The following MASP1 variants were observed in gnomAD, a reference collection of about 807,000 sequenced individuals.
MASP1 encodes MBL associated serine protease 1.
A neutral mutation model predicts 77.1 loss-of-function variants in MASP1; 59 were observed. That is an observed-to-expected ratio of 0.77 (90% CI 0.62 to 0.95). The LOEUF (loss-of-function observed/expected upper bound fraction) is 0.95. Among genes scored for constraint, MASP1 ranks in the 40% least tolerant of loss-of-function variants. The pLI is 0.00. For missense variants in MASP1, 885 were observed against 912.9 expected, an observed-to-expected ratio of 0.97 and a Z score of 0.39; for synonymous variants, 362 against 354.5, an observed-to-expected ratio of 1.02 and a Z score of -0.24.
chr3:187,230,021 G>A, downstream of MASP1: 1 of 1,044,764 alleles, frequency 9.6e-7, no homozygotes. Flanking sequence ...ACCATTAATT[G>A]ACCTTCCTGA....
chr3:187,251,837 T>A, intron 6 of MASP1, 85 bp from the exon 7 acceptor site: 1 of 1,007,024 alleles, frequency 9.9e-7, no homozygotes, highest in Non-Finnish European at 1.6e-6. Context: ...CAAGGCCTGA[T>A]GAAGGTGAAT....
At position 187,235,765 on chromosome 3, in the gene MASP1, T is replaced by C. The variant is rs768192469; in HGVS notation, c.2106A>G (p.Thr702=). ...CCCAGTCCACGTAATTGGAGACCTT[T>C]GTGTAGACTCCATAGACCTGCTTGC... The part of the protein sequence containing the change: ...CGSKQVYGVY[T]KVSNYVDWVW... The change falls in exon 11 of 11, where the codon ACA becomes ACG. Residue 702 remains threonine, a synonymous_variant. Coordinates refer to ENST00000296280, the MANE Select transcript of MASP1 (RefSeq NM_139125.4). 2.2e-5 allele frequency: 35 copies of C among 1,614,174 alleles called. No individual in the cohort carries two copies. Among genetic ancestry groups the C allele is most frequent in the South Asian group, 6.6e-5 (6 of 91,074 alleles).
chr3:187,276,920 G>A (rs1020507210), intron 2 of MASP1: 6 of 152,172 alleles, frequency 3.9e-5, no homozygotes, highest in Admixed American at 2.6e-4. Flanking sequence ...CCGGAAGGTC[G>A]AGGGCATGTT....
At chr3:187,290,483 C>CT (rs954217871) in intron 1 of MASP1, among the ~76,000 whole-genome samples, 3 of 152,002 alleles carry the variant, frequency 2.0e-5, no homozygotes, top group South Asian at 2.1e-4. Context: ...ACATAAATCA[C>CT]TTTTTTTTGG....
intron 10 of MASP1, among the ~76,000 whole-genome samples, chr3:187,238,680 G>C (rs3774269): frequency 2.4e-4 from 37 of 152,210 alleles, no homozygotes; most frequent in African/African-American, 8.7e-4. Flanking sequence ...AAAATGGCTC[G>C]GCATTGCTTA....
In MASP1 at chr3:187,260,749, G is replaced by A. The variant is rs778496708; in HGVS notation, c.539C>T (p.Thr180Ile). Residue 180 changes from threonine (T) to isoleucine (I), a missense_variant, in exon 4 of 11, where the codon ACC becomes ATC. Thr to Ile is a moderately conservative substitution (Grantham distance 89, BLOSUM62 -1). Coordinates refer to ENST00000296280, the MANE Select transcript of MASP1 (RefSeq NM_139125.4). The stretch of plus-strand genomic sequence containing the variant: ...TCATTGGTAGGCTCTACCTCGGCAG[G>A]TCCTGTTGTCTGTGTGGAGGATGTA... ...FGYILHTDNR[T>I]CRVECSDNLF... The A allele has an allele frequency of 9.3e-6, 15 of 1,614,036 alleles. No homozygotes were observed. The highest frequency in any genetic ancestry group is 3.3e-5 in the Admixed American group (2 of 59,984).
chr3:187,284,706 G>T (rs1717706947), intron 2 of MASP1, among the ~76,000 whole-genome samples: 1 of 152,174 alleles, frequency 6.6e-6, no homozygotes, highest in African/African-American at 2.4e-5. Context: ...AAAACACAAG[G>T]CATGGGTTTG....
chr3:187,260,745 G>T lies in MASP1; in HGVS notation c.543C>A (p.Cys181Ter). The change falls in exon 4 of 11, where the codon TGC (cysteine) becomes TGA (stop). Residue 181 changes from cysteine to a stop codon, truncating the protein, a stop_gained. Coordinates refer to ENST00000296280, the MANE Select transcript of MASP1 (RefSeq NM_139125.4). LOFTEE classifies it high-confidence loss of function. ...GYILHTDNRTCRVECSDNLFT... is the reference protein window; with the variant it reads ...GYILHTDNRT Reference sequence around the variant, plus strand: ...ACAATCATTGGTAGGCTCTACCTCGGCAGGTCCTGTTGTCTGTGTGGAGGA... The same window carrying T: ...ACAATCATTGGTAGGCTCTACCTCGTCAGGTCCTGTTGTCTGTGTGGAGGA... 1 of 1,614,168 alleles carries T rather than the reference G, an allele frequency of 6.2e-7. No individual in the cohort carries two copies.
At chr3:187,241,424 G>T in intron 10 of MASP1, 57 bp downstream of exon 10, 1 of 1,417,058 alleles carries the variant, frequency 7.1e-7, no homozygotes, top group Non-Finnish European at 1.0e-6. Flanking sequence ...AGAAAACCTG[G>T]GGTCCTAGGG....
At chr3:187,276,444 C>T (rs1006001658) in intron 2 of MASP1, 1 of 152,190 alleles carries the variant, frequency 6.6e-6, no homozygotes, top group East Asian at 1.9e-4. Context: ...CTCTTCGTCC[C>T]TTAACTTTTC....
intron 7 of MASP1, chr3:187,251,398 G>C (rs1714571087): frequency 1.9e-6 from 1 of 520,782 alleles, no homozygotes; most frequent in Non-Finnish European, 3.4e-6. Context: ...ATTCAAACCA[G>C]CTCATGCTCT....
At chr3:187,249,367 G>T (rs1254554420) in intron 8 of MASP1, among the ~76,000 whole-genome samples, 1 of 152,084 alleles carries the variant, frequency 6.6e-6, no homozygotes, top group Admixed American at 6.5e-5. Flanking sequence ...TCTAATTCTT[G>T]ACCTCACCAA....
intron 2 of MASP1, among the ~76,000 whole-genome samples, chr3:187,269,087 T>C (rs994266667): frequency 6.6e-6 from 1 of 151,060 alleles, no homozygotes; most frequent in Non-Finnish European, 1.5e-5. Context: ...AAAAAGATTT[T>C]AAAACCAAAA....
chr3:187,272,024 A>G (rs1716567309), intron 2 of MASP1, among the ~76,000 whole-genome samples: 1 of 152,226 alleles, frequency 6.6e-6, no homozygotes, highest in African/African-American at 2.4e-5. Context: ...ATGGCAGCGT[A>G]TGGCAGGGAG....
intron 6 of MASP1, 130 bp from the exon 7 acceptor site, chr3:187,251,882 T>TC (rs1160129648): frequency 2.6e-6 from 2 of 759,542 alleles, no homozygotes; most frequent in African/African-American, 3.4e-5. Context: ...GCATGGATCT[T>TC]CCAAGCCCTG....
At chr3:187,276,617 G>A (rs1369388355) in intron 2 of MASP1, 1 of 152,224 alleles carries the variant, frequency 6.6e-6, no homozygotes, top group Non-Finnish European at 1.5e-5. Flanking sequence ...TCAGCACTGC[G>A]AGCTTCCTTT....
intron 8 of MASP1, chr3:187,247,014 G>C (rs1714139296): frequency 7.9e-7 from 1 of 1,267,576 alleles, no homozygotes; most frequent in Non-Finnish European, 1.0e-6. Context: ...TAAATCTTTT[G>C]TCTCAAGGAC....
chr3:187,291,587 C>G (rs780364378), intron 1 of MASP1, 41 bp downstream of exon 1: 3 of 1,613,856 alleles, frequency 1.9e-6, no homozygotes, highest in Middle Eastern at 3.3e-4. Context: ...TGACACTGGT[C>G]CCCAAAAGGG....
At chr3:187,269,341 C>A (rs1716326849) in intron 2 of MASP1, among the ~76,000 whole-genome samples, 1 of 152,004 alleles carries the variant, frequency 6.6e-6, no homozygotes. Context: ...ATTGGAGACC[C>A]AAAAAGATTT....
Sources: allele counts gnomAD v4.1 joint callset (sites outside exome capture counted in the v4.1 genomes callset), GRCh38; gene constraint gnomAD v4.1.1; transcripts MANE v1.5; gene names NCBI Gene and HGNC (gene_info 2026-07-23, HGNC 2026-07-21).